The following DOCK2 variants were observed in gnomAD, a reference collection of about 807,000 sequenced individuals.
The protein encoded by DOCK2 is dedicator of cytokinesis 2, also known as dedicator of cytokinesis protein 2.
A neutral mutation model predicts 248.9 loss-of-function variants in DOCK2; 87 were observed. The ratio of observed to expected loss-of-function variants is 0.35; its 90% CI spans 0.29 to 0.42. DOCK2 has a LOEUF of 0.42. Among genes scored for constraint, DOCK2 ranks in the 10% least tolerant of loss-of-function variants. DOCK2 has a pLI of 1.00. For missense variants in DOCK2, 1,747 were observed against 2,300.2 expected, an observed-to-expected ratio of 0.76 and a Z score of 4.92; for synonymous variants, 805 against 821.6, an observed-to-expected ratio of 0.98 and a Z score of 0.35.
chr5:169,984,950 C>T (rs1025181161), intron 28 of DOCK2, among the ~76,000 whole-genome samples: 3 of 152,138 alleles, frequency 2.0e-5, no homozygotes, highest in Admixed American at 6.6e-5. Context: ...GACAGAATCT[C>T]GCTCTGTCAC....
At chr5:169,642,562 T>C (rs937877130) in intron 1 of DOCK2, among the ~76,000 whole-genome samples, 1 of 152,180 alleles carries the variant, frequency 6.6e-6, no homozygotes, top group African/African-American at 2.4e-5. Context: ...TGACTGTACC[T>C]TTGGATTGGT....
chr5:169,964,018 A>C lies in DOCK2; in HGVS notation c.2800-19050A>C, dbSNP rs565838263. Among the ~76,000 whole-genome samples the C allele has an allele frequency of 1.3e-3, 199 of 152,224 alleles. 1 individual carries two copies. Among genetic ancestry groups the C allele is most frequent in the Middle Eastern group, 3.4e-3 (1 of 294 alleles). On this transcript the variant is annotated intron_variant, in intron 27 of 51. Transcript: ENST00000520908. ...AAAGTCCTACCCTCATGGAAGTGGCAGGATTGGGGGAGGGAGAAGGGGGAG... is the reference window on the plus strand; with the variant it reads ...AAAGTCCTACCCTCATGGAAGTGGCCGGATTGGGGGAGGGAGAAGGGGGAG...
chr5:169,700,084 G>A lies in DOCK2; in HGVS notation c.1203G>A (p.Val401=), dbSNP rs745786837. 10 of 1,614,050 alleles carry A rather than the reference G, an allele frequency of 6.2e-6. No individual in the cohort carries two copies. The highest frequency in any genetic ancestry group is 5.0e-5 in the Admixed American group (3 of 60,018). Residue 401 remains valine, a synonymous_variant, in exon 13 of 52, where the codon GTG becomes GTA. Coordinates refer to ENST00000520908, the MANE Select transcript of DOCK2 (RefSeq NM_004946.3). ...IQIRKDYPHL[V]DRTTVVARKL... is the part of the protein sequence containing the mutation. ...TTCGCAAGGACTATCCACACCTGGTGGACAGGACCACCGTGGTGGCCAGGA... is the reference window on the plus strand; with the variant it reads ...TTCGCAAGGACTATCCACACCTGGTAGACAGGACCACCGTGGTGGCCAGGA...
At chr5:170,078,808 T>C (rs1757927794) in intron 48 of DOCK2, among the ~76,000 whole-genome samples, 167 bp from the exon 49 acceptor site, 1 of 152,236 alleles carries the variant, frequency 6.6e-6, no homozygotes, top group South Asian at 2.1e-4. Context: ...GTTTGTGCAT[T>C]GAGCAAGTTG....
At chr5:169,929,660 C>T (rs940812969) in intron 27 of DOCK2, among the ~76,000 whole-genome samples, 1 of 148,988 alleles carries the variant, frequency 6.7e-6, no homozygotes, top group Non-Finnish European at 1.5e-5. Context: ...GAGAATCACT[C>T]AAGCCTGGGA....
At chr5:169,767,818 ATATT>A (rs1166251622) in intron 25 of DOCK2, among the ~76,000 whole-genome samples, 1 of 152,250 alleles carries the variant, frequency 6.6e-6, no homozygotes, top group African/African-American at 2.4e-5. Context: ...GCATAAATAT[ATATT>A]AAGTTTTTAC....
At chr5:169,896,938 G>A (rs148728302) in intron 27 of DOCK2, among the ~76,000 whole-genome samples, 3 of 152,164 alleles carry the variant, frequency 2.0e-5, no homozygotes, top group Non-Finnish European at 4.4e-5. Context: ...ACTTTGACGT[G>A]AGCTTCCTAG....
At chr5:169,947,950 A>AC (rs1228737411) in intron 27 of DOCK2, among the ~76,000 whole-genome samples, 3 of 152,146 alleles carry the variant, frequency 2.0e-5, no homozygotes, top group Non-Finnish European at 2.9e-5. Context: ...GCAAAGCTTC[A>AC]CCCAGGGGTC....
At chr5:169,661,870 G>A (rs184712509) in intron 2 of DOCK2, among the ~76,000 whole-genome samples, 4 of 152,294 alleles carry the variant, frequency 2.6e-5, no homozygotes, top group African/African-American at 7.2e-5. Context: ...ACTGGTGAGA[G>A]CACTTGGGTT....
intron 22 of DOCK2, among the ~76,000 whole-genome samples, chr5:169,741,063 GATCCTCCC>G (rs2113664890): frequency 6.6e-6 from 1 of 152,304 alleles, no homozygotes; most frequent in African/African-American, 2.4e-5. Flanking sequence ...AGGCTCAAGT[GATCCTCCC>G]ATTTCGGCCT....
chr5:169,786,176 G>A (rs1375549708), intron 25 of DOCK2, among the ~76,000 whole-genome samples: 3 of 152,058 alleles, frequency 2.0e-5, no homozygotes. Flanking sequence ...TAATGGAAGG[G>A]GCATACAAAA....
rs113024261 is a variant in DOCK2, at chr5:169,848,359, G to A, written c.2799+7507G>A. ...ATGTGAACCAGGGACACCAGAGTGC[G>A]TATGTCTCCAGTCATCTGTGCTCCC... On this transcript the variant is annotated intron_variant, in intron 27 of 51. Coordinates refer to ENST00000520908, the MANE Select transcript of DOCK2 (RefSeq NM_004946.3). 5.3e-3 allele frequency among the ~76,000 whole-genome samples: 808 copies of A among 152,330 alleles called. 11 individuals carry two copies. Among genetic ancestry groups the A allele is most frequent in the African/African-American group, 0.018 (766 of 41,566 alleles).
chr5:169,794,479 T>C (rs1414878273), intron 25 of DOCK2, among the ~76,000 whole-genome samples: 1 of 152,184 alleles, frequency 6.6e-6, no homozygotes, highest in Non-Finnish European at 1.5e-5. Flanking sequence ...CAGTGAGTAT[T>C]GACTATGTGT....
intron 27 of DOCK2, among the ~76,000 whole-genome samples, chr5:169,976,066 A>G (rs1777706954): frequency 6.6e-6 from 1 of 152,194 alleles, no homozygotes; most frequent in South Asian, 2.1e-4. Context: ...GCTTTTATGG[A>G]GGGGGTGGTC....
intron 33 of DOCK2, among the ~76,000 whole-genome samples, chr5:170,027,210 C>T (rs537518155): frequency 1.7e-4 from 26 of 152,208 alleles, no homozygotes; most frequent in African/African-American, 5.8e-4. Flanking sequence ...GTCTCACTGT[C>T]TCAGTCCAGA....
At chr5:169,972,593 TA>T (rs796860075) in intron 27 of DOCK2, among the ~76,000 whole-genome samples, 26 of 135,520 alleles carry the variant, frequency 1.9e-4, no homozygotes, top group Non-Finnish European at 3.3e-4. Context: ...AGATGATAGA[TA>T]GATAGATAGA....
intron 10 of DOCK2, among the ~76,000 whole-genome samples, chr5:169,698,162 T>G (rs900076139): frequency 6.6e-6 from 1 of 152,204 alleles, no homozygotes; most frequent in African/African-American, 2.4e-5. Flanking sequence ...GACCTCCCAG[T>G]CTGCTTTGCC....
chr5:169,717,553 A>G, intron 21 of DOCK2, 69 bp downstream of exon 21: 1 of 1,381,808 alleles, frequency 7.2e-7, no homozygotes, highest in Non-Finnish European at 1.0e-6. Context: ...CCTAGGGCAC[A>G]GGAACTTGAG....
In DOCK2 at chr5:170,082,067, G is replaced by A; in HGVS notation, c.5430+83G>A. The A allele has an allele frequency of 3.2e-6, 5 of 1,553,530 alleles. No homozygotes were observed. The Admixed American group carries it at 8.7e-5, about 27-fold the overall frequency. On this transcript the variant is annotated intron_variant, in intron 51 of 51. Coordinates refer to ENST00000520908, the MANE Select transcript of DOCK2 (RefSeq NM_004946.3). ...CAATGCAGAGAGAAGAAAATGGGGGGTTGTGTGTGCATATGTGGTCATTCC... is the reference window on the plus strand; with the variant it reads ...CAATGCAGAGAGAAGAAAATGGGGGATTGTGTGTGCATATGTGGTCATTCC...
Sources: gnomAD v4.1 joint callset for allele counts (sites outside exome capture counted in the v4.1 genomes callset) on GRCh38, gnomAD v4.1.1 for gene constraint, MANE v1.5 for transcripts, NCBI Gene and HGNC (gene_info 2026-07-23, HGNC 2026-07-21) for gene names.